Variants in CALCR observed in about 807,000 individuals in gnomAD.
CALCR encodes calcitonin receptor.
Under a neutral mutation model 59.5 loss-of-function variants are expected in CALCR, and 47 were observed. The observed-to-expected ratio is 0.79, with a 90% CI of 0.63 to 1.01. CALCR has a LOEUF of 1.01. CALCR is among the 50% of genes least tolerant of loss of function. The pLI, the probability that CALCR is intolerant of heterozygous loss-of-function variation, is 0.00. For synonymous variants in CALCR, 213 were observed against 211.3 expected, an observed-to-expected ratio of 1.01 and a Z score of -0.07; for missense variants, 566 against 597.1, an observed-to-expected ratio of 0.95 and a Z score of 0.54.
chr7:93,445,050 G>A (rs1470537726), intron 8 of CALCR, among the ~76,000 whole-genome samples: 1 of 152,048 alleles, frequency 6.6e-6, no homozygotes, highest in African/African-American at 2.4e-5. Flanking sequence ...ATAGGGAAAA[G>A]CCCTCTGGGC....
intron 2 of CALCR, among the ~76,000 whole-genome samples, chr7:93,543,187 C>A (rs909009274): frequency 6.6e-6 from 1 of 152,056 alleles, no homozygotes; most frequent in African/African-American, 2.4e-5. Flanking sequence ...TTATACATAC[C>A]AGGCTGGTGT....
chr7:93,543,554 T>C (rs1276945913), intron 2 of CALCR, among the ~76,000 whole-genome samples: 1 of 152,130 alleles, frequency 6.6e-6, no homozygotes, highest in Non-Finnish European at 1.5e-5. Context: ...ATGGCGTCAC[T>C]AGATGATAAG....
intron 13 of CALCR, among the ~76,000 whole-genome samples, chr7:93,427,809 T>C (rs1174457477): frequency 6.6e-6 from 1 of 152,166 alleles, no homozygotes. Context: ...GTATTGTTCA[T>C]ATATTTTTAA....
chr7:93,463,116 T>G (rs766478402), intron 7 of CALCR, among the ~76,000 whole-genome samples: 4 of 151,964 alleles, frequency 2.6e-5, no homozygotes, highest in Non-Finnish European at 4.4e-5. Context: ...TTTCCTACTT[T>G]ATACTTCATA....
At chr7:93,495,950 G>A in intron 2 of CALCR, 1 of 1,522,832 alleles carries the variant, frequency 6.6e-7, no homozygotes, top group Non-Finnish European at 8.8e-7. Flanking sequence ...GGCAAAAGTG[G>A]GTGGATCAGT....
chr7:93,437,753 T>A (rs947461905), intron 11 of CALCR, among the ~76,000 whole-genome samples: 2 of 152,176 alleles, frequency 1.3e-5, no homozygotes, highest in African/African-American at 4.8e-5. Flanking sequence ...ACAAACAAAC[T>A]TCTTGCAGCC....
At position 93,532,838 on chromosome 7, in the gene CALCR, C is replaced by CAAAAAAAAAAAAAAAAAAAA. The variant is rs57128008; in HGVS notation, c.-27+41431_-27+41450dup. Among the ~76,000 whole-genome samples the CAAAAAAAAAAAAAAAAAAAA allele has an allele frequency of 3.0e-4, 29 of 95,666 alleles. 1 individual carries two copies. The highest frequency in any genetic ancestry group is 1.1e-3 in the African/African-American group (22 of 19,920). The allele number at this position is 95,666 out of a possible 152,430, so 62.8% of individuals were successfully genotyped here. A position where few individuals can be genotyped will look rare whatever the true frequency, so the allele number is the denominator to read the frequency against. ...TAGCCTTGATTCCTCATGTCCAAAG[C>CAAAAAAAAAAAAAAAAAAAA]AAAAAAAAAAAAAAAAAAAAAAAAA... On this transcript the variant is annotated intron_variant, in intron 2 of 13. Coordinates refer to ENST00000426151, the MANE Select transcript of CALCR (RefSeq NM_001742.4).
At chr7:93,539,765 A>T (rs769673740) in intron 2 of CALCR, among the ~76,000 whole-genome samples, 2 of 152,188 alleles carry the variant, frequency 1.3e-5, no homozygotes, top group African/African-American at 2.4e-5. Flanking sequence ...TGGAAAGAGC[A>T]TGGTGTGCCC....
rs45499693 is a variant in CALCR, at chr7:93,438,285, A to G, written c.803-15T>C. The G allele has an allele frequency of 1.2e-6, 2 of 1,600,082 alleles. No homozygotes were observed. The highest frequency in any genetic ancestry group is 1.7e-6 in the Non-Finnish European group (2 of 1,167,236). On this transcript the variant is annotated splice_polypyrimidine_tract_variant and intron_variant, in intron 9 of 13. Transcript: ENST00000426151. ...CAGCGGGAACCCTACAAATGTGAAA[A>G]GTACAAATCACACTTGGTTTCTTGG...
intron 2 of CALCR, among the ~76,000 whole-genome samples, chr7:93,572,217 A>G (rs1253729796): frequency 6.6e-6 from 1 of 152,096 alleles, no homozygotes; most frequent in Non-Finnish European, 1.5e-5. Context: ...TTATACATAT[A>G]TGTTTCTTTT....
intron 2 of CALCR, among the ~76,000 whole-genome samples, chr7:93,502,080 C>G (rs75252614): frequency 0.018 from 2,672 of 152,112 alleles, 27 homozygotes; most frequent in Middle Eastern, 0.034. Flanking sequence ...ATATGGTAGT[C>G]TTTGGCCAAA....
At chr7:93,449,613 C>T (rs909806128) in intron 8 of CALCR, among the ~76,000 whole-genome samples, 2 of 152,100 alleles carry the variant, frequency 1.3e-5, no homozygotes, top group African/African-American at 2.4e-5. Flanking sequence ...GTGTTTATAA[C>T]GTTGTTCGAT....
chr7:93,463,172 T>C (rs1231058766), intron 7 of CALCR, among the ~76,000 whole-genome samples: 1 of 151,918 alleles, frequency 6.6e-6, no homozygotes, highest in African/African-American at 2.4e-5. Context: ...ATTAACTAGC[T>C]AACATGGAAC....
At chr7:93,439,242 CT>C (rs1334961735) in intron 9 of CALCR, among the ~76,000 whole-genome samples, 2 of 152,144 alleles carry the variant, frequency 1.3e-5, no homozygotes, top group Non-Finnish European at 2.9e-5. Context: ...ACAACCTCAG[CT>C]TTTAAACCCA....
At chr7:93,426,931 CTT>C (rs1799543621) in intron 13 of CALCR, among the ~76,000 whole-genome samples, 1 of 152,152 alleles carries the variant, frequency 6.6e-6, no homozygotes. Context: ...GTTGACCAAA[CTT>C]TTTATATGCT....
At chr7:93,540,973 A>C (rs1180282966) in intron 2 of CALCR, among the ~76,000 whole-genome samples, 1 of 152,070 alleles carries the variant, frequency 6.6e-6, no homozygotes, top group Non-Finnish European at 1.5e-5. Context: ...TCATTAAGAA[A>C]AATGACAAAT....
At chr7:93,447,274 C>T (rs1446471403) in intron 8 of CALCR, among the ~76,000 whole-genome samples, 1 of 151,940 alleles carries the variant, frequency 6.6e-6, no homozygotes, top group Non-Finnish European at 1.5e-5. Context: ...AAGTCAACCT[C>T]AAAACTTCAT....
At chr7:93,532,838 CAAAAAAAAAAAAA>C (rs57128008) in intron 2 of CALCR, among the ~76,000 whole-genome samples, 2 of 95,718 alleles carry the variant, frequency 2.1e-5, no homozygotes, top group African/African-American at 5.0e-5. Context: ...ATGTCCAAAG[CAAAAAAAAAAAAA>C]AAAAAAAAAA....
At chr7:93,504,871 C>T (rs962468169) in intron 2 of CALCR, among the ~76,000 whole-genome samples, 1 of 152,130 alleles carries the variant, frequency 6.6e-6, no homozygotes, top group African/African-American at 2.4e-5. Flanking sequence ...AGCAGACGCA[C>T]CCATACAAGA....
Sources: allele counts gnomAD v4.1 joint callset (sites outside exome capture counted in the v4.1 genomes callset), GRCh38; gene constraint gnomAD v4.1.1; transcripts MANE v1.5; gene names NCBI Gene and HGNC (gene_info 2026-07-23, HGNC 2026-07-21).